Variants in HPSE observed in about 807,000 individuals in gnomAD.
HPSE encodes the protein endo-glucoronidase.
Under a neutral mutation model 65.1 loss-of-function variants are expected in HPSE, and 48 were observed. The ratio of observed to expected loss-of-function variants is 0.74; its 90% CI spans 0.58 to 0.94. The LOEUF (loss-of-function observed/expected upper bound fraction) is 0.94. HPSE is among the 40% of genes least tolerant of loss of function. The pLI is 0.00. For synonymous variants in HPSE, 243 were observed against 260.0 expected (o/e 0.93, Z 0.63); for missense variants, 644 against 637.5 (o/e 1.01, Z -0.11).
chr4:83,308,518 A>G (rs1467548675), intron 8 of HPSE, among the ~76,000 whole-genome samples: 4 of 152,182 alleles, frequency 2.6e-5, no homozygotes, highest in Admixed American at 2.0e-4. Flanking sequence ...AAGTATTGGG[A>G]TTACAGGGAA....
intron 9 of HPSE, among the ~76,000 whole-genome samples, chr4:83,305,728 T>A (rs1553919373): frequency 2.6e-5 from 4 of 152,188 alleles, no homozygotes. Context: ...TTCATAAATA[T>A]CTTGAAGATT....
In HPSE at chr4:83,302,190, T is replaced by C; in HGVS notation, c.1285A>G (p.Arg429Gly). ...CAATGAAGGTATACTCGAAGCTTCC[T>C]TCTCTTTGAACCTTGCACGCTTGCC... ...LMASVQGSKRRKLRVYLHCTN... is the reference protein window; with the variant it reads ...LMASVQGSKRGKLRVYLHCTN... Residue 429 changes from arginine (R) to glycine (G), a missense_variant, in exon 10 of 12, where the codon AGG (arginine) becomes GGG (glycine). Arg to Gly is a moderately radical substitution (Grantham distance 125). Coordinates refer to ENST00000311412, the MANE Select transcript of HPSE (RefSeq NM_001098540.3). 6.2e-7 allele frequency: 1 copy of C among 1,613,894 alleles called. No homozygotes were observed. Among genetic ancestry groups the C allele is most frequent in the Non-Finnish European group, 8.5e-7 (1 of 1,179,748 alleles).
rs571582149 is a variant in HPSE at position 83,307,233 on chromosome 4, A to G, written c.1092-916T>C. Among the ~76,000 whole-genome samples the G allele has an allele frequency of 2.6e-5, 4 of 152,312 alleles. No individual in the cohort carries two copies. In the East Asian group the frequency reaches 7.7e-4, roughly 29 times the overall value. On this transcript the variant is annotated intron_variant, in intron 8 of 11. Coordinates refer to ENST00000311412, the MANE Select transcript of HPSE (RefSeq NM_001098540.3). The stretch of plus-strand genomic sequence containing the variant: ...TCTCCTTTGCAATTCCCCTGTCTTG[A>G]TAATTGGCTCTATCTAGACAGCAGG...
At chr4:83,299,874 T>C (rs747737388) in intron 11 of HPSE, among the ~76,000 whole-genome samples, 5 of 151,900 alleles carry the variant, frequency 3.3e-5, no homozygotes, top group African/African-American at 4.8e-5. Flanking sequence ...CTGGCTAATT[T>C]TGGTATATTT....
chr4:83,312,677 CAA>C (rs148023447), intron 4 of HPSE, among the ~76,000 whole-genome samples: 122 of 97,184 alleles, frequency 1.3e-3, no homozygotes, highest in Middle Eastern at 8.8e-3. Context: ...GACTCCGTCT[CAA>C]AAAAAAAAAA....
intron 1 of HPSE, among the ~76,000 whole-genome samples, chr4:83,333,159 G>T (rs994569262): frequency 1.3e-5 from 2 of 152,192 alleles, no homozygotes; most frequent in African/African-American, 4.8e-5. Flanking sequence ...CCGGTGAATG[G>T]CTACCAAATG....
At chr4:83,304,983 T>C (rs909272472) in intron 9 of HPSE, among the ~76,000 whole-genome samples, 2 of 152,168 alleles carry the variant, frequency 1.3e-5, no homozygotes, top group Non-Finnish European at 1.5e-5. Flanking sequence ...ATCTAAAAAA[T>C]GGATCCAAGA....
Position 83,295,474 on chromosome 4 carries a change from T to C in HPSE, c.1502A>G (p.Lys501Arg). ...KSVQLNGLTL[K>R]MVDDQTLPPL... is the part of the protein sequence containing the mutation. Reference sequence around the variant, plus strand: ...TGGCAAGGTTTGATCATCCACCATCTTTAGAGTTAGACCATTGAGTTGGAC... The same window carrying C: ...TGGCAAGGTTTGATCATCCACCATCCTTAGAGTTAGACCATTGAGTTGGAC... The change falls in exon 12 of 12, where the codon AAG (lysine) becomes AGG (arginine). Residue 501 changes from lysine (K) to arginine (R), a missense_variant. By Grantham distance (26) the Lys-to-Arg change is conservative. Transcript: ENST00000311412. The C allele has an allele frequency of 6.2e-7, 1 of 1,610,944 alleles. No homozygotes were observed. Among genetic ancestry groups the C allele is most frequent in the Non-Finnish European group, 8.5e-7 (1 of 1,178,052 alleles).
chr4:83,301,656 C>T (rs1735953963), intron 10 of HPSE, among the ~76,000 whole-genome samples: 1 of 152,050 alleles, frequency 6.6e-6, no homozygotes, highest in Non-Finnish European at 1.5e-5. Context: ...GGTAGCTGGT[C>T]TTTTTTGGCT....
At chr4:83,316,847 T>C (rs991073833) in intron 3 of HPSE, among the ~76,000 whole-genome samples, 1 of 152,224 alleles carries the variant, frequency 6.6e-6, no homozygotes, top group Non-Finnish European at 1.5e-5. Context: ...AAAACTTACC[T>C]GTATCTTCTG....
At chr4:83,312,766 G>C (rs1302028300) in intron 4 of HPSE, among the ~76,000 whole-genome samples, 7 of 145,556 alleles carry the variant, frequency 4.8e-5, no homozygotes. Context: ...GGGAGGCCGA[G>C]GAGGGCAGAT....
At chr4:83,332,459 G>A (rs1331353188) in intron 1 of HPSE, among the ~76,000 whole-genome samples, 1 of 152,260 alleles carries the variant, frequency 6.6e-6, no homozygotes, top group Admixed American at 6.5e-5. Context: ...GGAACAGACA[G>A]CAGCCAGCCT....
At chr4:83,306,907 G>A (rs1435392114) in intron 8 of HPSE, among the ~76,000 whole-genome samples, 1 of 152,106 alleles carries the variant, frequency 6.6e-6, no homozygotes, top group Admixed American at 6.5e-5. Flanking sequence ...TAAAACCTAA[G>A]ATCAGTGCTT....
intron 2 of HPSE, 90 bp from the exon 3 acceptor site, chr4:83,319,559 C>A: frequency 7.6e-7 from 1 of 1,319,208 alleles, no homozygotes. Flanking sequence ...ATTTATGTGA[C>A]TAAAGCAGGA....
intron 1 of HPSE, among the ~76,000 whole-genome samples, chr4:83,325,077 G>A (rs373279650): frequency 2.6e-4 from 39 of 151,130 alleles, no homozygotes; most frequent in African/African-American, 9.2e-4. Context: ...TTACTTTCCT[G>A]TATTTTACAA....
chr4:83,332,625 G>A (rs1394167688), intron 1 of HPSE, among the ~76,000 whole-genome samples: 3 of 152,250 alleles, frequency 2.0e-5, no homozygotes, highest in Non-Finnish European at 4.4e-5. Context: ...GGGAAATGAA[G>A]AGATGTATTT....
intron 1 of HPSE, among the ~76,000 whole-genome samples, chr4:83,328,301 GC>G (rs1167228188): frequency 6.6e-6 from 1 of 152,142 alleles, no homozygotes; most frequent in African/African-American, 2.4e-5. Flanking sequence ...AGTTCCCATA[GC>G]TTTTTGACTC....
chr4:83,320,720 C>T (rs777540175), intron 2 of HPSE, among the ~76,000 whole-genome samples: 2 of 152,212 alleles, frequency 1.3e-5, no homozygotes, highest in African/African-American at 4.8e-5. Context: ...GACTCGCTGG[C>T]GGCTGGTGCC....
rs1380157275 is a variant in HPSE, at chr4:83,293,133, G to T, written c.*2211C>A. The T allele has an allele frequency of 2.6e-5, 4 of 152,182 alleles. No individual in the cohort carries two copies. Among genetic ancestry groups the T allele is most frequent in the African/African-American group, 9.7e-5 (4 of 41,436 alleles). 9.4% of individuals were successfully genotyped at this position (152,182 alleles called of 1,614,324 possible). On this transcript the variant is annotated 3_prime_UTR_variant, in exon 12 of 12. Transcript: ENST00000311412. Reference sequence around the variant, plus strand: ...AGCGCAGAACTGCAGTGTTCAGTTTGTAGACTGACCAACACCCTCTCCATT... The same window carrying T: ...AGCGCAGAACTGCAGTGTTCAGTTTTTAGACTGACCAACACCCTCTCCATT...
Sources: allele counts gnomAD v4.1 joint callset (sites outside exome capture counted in the v4.1 genomes callset), GRCh38; gene constraint gnomAD v4.1.1; transcripts MANE v1.5; gene names NCBI Gene and HGNC (gene_info 2026-07-23, HGNC 2026-07-21).